The following HMCN1 variants were observed in gnomAD, a reference collection of about 807,000 sequenced individuals.
HMCN1 encodes hemicentin 1.
Under a neutral mutation model 625.9 loss-of-function variants are expected in HMCN1, and 321 were observed. The ratio of observed to expected loss-of-function variants is 0.51; its 90% CI spans 0.47 to 0.56. The LOEUF (loss-of-function observed/expected upper bound fraction) is 0.56, where lower values mean the gene tolerates loss of function less well. Ranked by LOEUF, HMCN1 falls within the 20% of genes least tolerant of loss-of-function variation. HMCN1 has a pLI of 0.00. For missense variants in HMCN1, 6,588 were observed against 6,887.3 expected, an observed-to-expected ratio of 0.96 and a Z score of 1.54; for synonymous variants, 2,425 against 2,417.6, an observed-to-expected ratio of 1.00 and a Z score of -0.09.
At chr1:185,933,406 T>C in intron 10 of HMCN1, 143 bp from the exon 11 acceptor site, 1 of 766,720 alleles carries the variant, frequency 1.3e-6, no homozygotes, top group Non-Finnish European at 2.2e-6. Context: ...CTCATAGACA[T>C]ATGCATTAAT....
intron 67 of HMCN1, 57 bp downstream of exon 67, chr1:186,094,430 C>A: frequency 7.7e-7 from 1 of 1,306,118 alleles, no homozygotes; most frequent in Non-Finnish European, 1.1e-6. Context: ...AAGCAACAGA[C>A]TTATCTTTAG....
chr1:185,927,024 C>T (rs994935953), intron 9 of HMCN1, among the ~76,000 whole-genome samples: 2 of 152,188 alleles, frequency 1.3e-5, no homozygotes, highest in African/African-American at 4.8e-5. Context: ...GAACATTCTT[C>T]AAGCATTTAG....
At chr1:185,980,419 T>A (rs577259504) in intron 16 of HMCN1, among the ~76,000 whole-genome samples, 1 of 152,336 alleles carries the variant, frequency 6.6e-6, no homozygotes, top group South Asian at 2.1e-4. Flanking sequence ...ACAAACAAAG[T>A]TATGAAATAC....
chr1:185,922,546 G>T, intron 7 of HMCN1, 47 bp downstream of exon 7: 1 of 1,508,600 alleles, frequency 6.6e-7, no homozygotes, highest in South Asian at 1.2e-5. Flanking sequence ...ATATCCAAAT[G>T]AAAAATATTT....
At chr1:185,981,749 A>ATT (rs1316508335) in intron 17 of HMCN1, among the ~76,000 whole-genome samples, 2 of 152,118 alleles carry the variant, frequency 1.3e-5, no homozygotes, top group Non-Finnish European at 2.9e-5. Flanking sequence ...AAATTTATTC[A>ATT]TTAATTTTTA....
chr1:185,948,348 G>A (rs1226977260), intron 11 of HMCN1, among the ~76,000 whole-genome samples: 1 of 151,934 alleles, frequency 6.6e-6, no homozygotes, highest in South Asian at 2.1e-4. Context: ...TATTTCACCT[G>A]GGTGCAGGTG....
Position 186,062,074 on chromosome 1 carries a change from T to C in HMCN1, c.7426+110T>C. 3.0e-6 allele frequency: 2 copies of C among 675,506 alleles called. 1 individual carries two copies. 41.8% of individuals were successfully genotyped at this position (675,506 alleles called of 1,614,324 possible). The stretch of plus-strand genomic sequence containing the variant: ...TCTCATACCTGTGTTATTTAGACCC[T>C]GGACTGTGACTCTTGGCAAGAATTC... On this transcript the variant is annotated intron_variant, in intron 47 of 106. Transcript: ENST00000271588.
rs1459583522 is a variant in HMCN1, at chr1:186,061,691, G to A, written c.7313-160G>A. 2.0e-5 allele frequency among the ~76,000 whole-genome samples: 3 copies of A among 152,032 alleles called. No homozygotes were observed. The East Asian group carries it at 5.8e-4, about 29-fold the overall frequency. Reference sequence around the variant, plus strand: ...TTCTGAACTATTTTGTTTTATAGAAGTTTAAAATGTGATTTTTAAAAAAGC... The same window carrying A: ...TTCTGAACTATTTTGTTTTATAGAAATTTAAAATGTGATTTTTAAAAAAGC... On this transcript the variant is annotated intron_variant, in intron 46 of 106. Transcript: ENST00000271588.
chr1:186,039,758 T>C lies in HMCN1; in HGVS notation c.6059T>C (p.Met2020Thr). The C allele has an allele frequency of 1.2e-6, 2 of 1,613,566 alleles. No homozygotes were observed. Among genetic ancestry groups the C allele is most frequent in the Non-Finnish European group, 1.7e-6 (2 of 1,179,620 alleles). Residue 2020 changes from methionine (M) to threonine (T), a missense_variant, in exon 39 of 107, where the codon ATG (methionine) becomes ACG (threonine). Met to Thr is a moderately conservative substitution (Grantham distance 81, BLOSUM62 -1). Transcript: ENST00000271588. The part of the protein sequence containing the change: ...VAPSISGSNN[M>T]VAVVVNNPVR... ...CCATCAATTTCTGGCAGCAATAACA[T>C]GGTGGCAGTGGTGGTTAATAACCCG...
At chr1:186,154,830 A>G (rs1227460866) in intron 97 of HMCN1, among the ~76,000 whole-genome samples, 1 of 152,158 alleles carries the variant, frequency 6.6e-6, no homozygotes, top group South Asian at 2.1e-4. Flanking sequence ...TAAGTAGTCC[A>G]TCTATGCTAT....
chr1:185,785,958 A>G (rs1169735590), intron 1 of HMCN1, among the ~76,000 whole-genome samples: 1 of 152,228 alleles, frequency 6.6e-6, no homozygotes, highest in Non-Finnish European at 1.5e-5. Context: ...GGTCTGTTAT[A>G]TAAATTGGGT....
chr1:185,818,647 A>G (rs1659988277), intron 1 of HMCN1, among the ~76,000 whole-genome samples: 1 of 152,142 alleles, frequency 6.6e-6, no homozygotes, highest in South Asian at 2.1e-4. Flanking sequence ...ATTTCACATT[A>G]TTGACTGATG....
chr1:186,005,527 G>A (rs1653563120), intron 29 of HMCN1, among the ~76,000 whole-genome samples: 2 of 148,100 alleles, frequency 1.4e-5, no homozygotes, highest in African/African-American at 5.2e-5. Context: ...TGTTTAAATT[G>A]TTTATAAATG....
chr1:185,909,506 T>C lies in HMCN1; in HGVS notation c.791T>C (p.Leu264Ser). Residue 264 changes from leucine to serine, a missense_variant and splice_region_variant, in exon 5 of 107, where the codon TTA (leucine) becomes TCA (serine). By Grantham distance (145) the Leu-to-Ser change is moderately radical (BLOSUM62 -2). This residue lies in a region of HMCN1 where 4,628 missense variants were observed against 4,853.1 expected (regional missense o/e 0.95). Transcript: ENST00000271588. Reference protein sequence around the residue: ...PSPMIEIRNPLGKLIKKGFGL... With the variant: ...PSPMIEIRNPSGKLIKKGFGL... ...CCAATGATTGAAATTCGCAATCCTTTAGGTGAGATATATCAAACATCACAT... is the reference window on the plus strand; with the variant it reads ...CCAATGATTGAAATTCGCAATCCTTCAGGTGAGATATATCAAACATCACAT... 1 of 1,611,152 alleles carries C rather than the reference T, an allele frequency of 6.2e-7. No homozygotes were observed. Among genetic ancestry groups the C allele is most frequent in the Non-Finnish European group, 8.5e-7 (1 of 1,177,526 alleles).
chr1:186,120,067 G>A lies in HMCN1; in HGVS notation c.12151G>A (p.Glu4051Lys). 1 of 1,614,076 alleles carries A rather than the reference G, an allele frequency of 6.2e-7. No homozygotes were observed. The highest frequency in any genetic ancestry group is 1.1e-5 in the South Asian group (1 of 91,082). ...GGLQISRAVR[E>K]DAGTYMCVAQ... ...CTTACAGATCTCCAGAGCTGTCCGA[G>A]AGGATGCTGGCACTTACATGTGTGT... The change falls in exon 80 of 107, where the codon GAG becomes AAG. Residue 4051 changes from glutamate to lysine, a missense_variant. Around this residue, in one of 3 missense-constraint regions of HMCN1, gnomAD observed 1,954 missense variants for 2,013.1 expected, o/e 0.97. Transcript: ENST00000271588.
intron 18 of HMCN1, 33 bp downstream of exon 18, chr1:185,982,422 C>G (rs371161454): frequency 1.3e-6 from 2 of 1,550,520 alleles, no homozygotes; most frequent in African/African-American, 2.7e-5. Flanking sequence ...CATTCACATT[C>G]TTTTGTGAGT....
chr1:186,070,930 G>T (rs10911811), intron 52 of HMCN1, among the ~76,000 whole-genome samples, 173 bp downstream of exon 52: 1 of 151,806 alleles, frequency 6.6e-6, no homozygotes, highest in African/African-American at 2.4e-5. Flanking sequence ...CCAACCTGAA[G>T]GATGTTCAAC....
chr1:186,012,098 T>C (rs562067580), intron 30 of HMCN1, among the ~76,000 whole-genome samples: 68 of 147,658 alleles, frequency 4.6e-4, no homozygotes, highest in African/African-American at 1.5e-3. Flanking sequence ...AAATACACCA[T>C]TTAACACTAC....
chr1:186,172,063 G>C lies in HMCN1; in HGVS notation c.15746G>C (p.Arg5249Pro). ...CRPDQHCKNT[R>P]GGYKCIDLCP... ...CCAGATCAGCACTGTAAGAACACCC[G>C]TGGTGGCTATAAGTGCATTGATCTT... is the stretch of plus-strand genomic sequence containing the variant. Residue 5249 changes from arginine (R) to proline (P), a missense_variant, in exon 102 of 107, where the codon CGT (arginine) becomes CCT (proline). By Grantham distance (103) the Arg-to-Pro change is moderately radical (BLOSUM62 -2). Coordinates refer to ENST00000271588, the MANE Select transcript of HMCN1 (RefSeq NM_031935.3). The C allele has an allele frequency of 1.2e-6, 2 of 1,613,804 alleles. No individual in the cohort carries two copies. The highest frequency in any genetic ancestry group is 1.7e-6 in the Non-Finnish European group (2 of 1,179,752).
Sources: allele counts gnomAD v4.1 joint callset (sites outside exome capture counted in the v4.1 genomes callset), GRCh38; gene constraint gnomAD v4.1.1; regional missense constraint gnomAD v4.1.1; transcripts MANE v1.5; gene names NCBI Gene and HGNC (gene_info 2026-07-23, HGNC 2026-07-21).